The following CROCC2 variants were observed in gnomAD, a reference collection of about 807,000 sequenced individuals.
CROCC2 encodes ciliary rootlet coiled-coil protein 2.
Under a neutral mutation model 177.6 loss-of-function variants are expected in CROCC2, and 163 were observed. The ratio of observed to expected loss-of-function variants is 0.92; its 90% confidence interval spans 0.81 to 1.05. The LOEUF is 1.05. CROCC2 is among the 50% of genes least tolerant of loss of function. The probability of loss-of-function intolerance (pLI) is 0.00; values close to 1 mark genes in which losing one functional copy is unlikely to be tolerated. For synonymous variants in CROCC2, 904 were observed against 787.3 expected, an observed-to-expected ratio of 1.15 and a Z score of -2.48; for missense variants, 1,929 against 1,797.8, an observed-to-expected ratio of 1.07 and a Z score of -1.32.
intron 27 of CROCC2, among the ~76,000 whole-genome samples, chr2:240,981,190 GTCTCT>G (rs2059796490): frequency 8.1e-6 from 1 of 123,934 alleles, no homozygotes; most frequent in African/African-American, 3.1e-5. Flanking sequence ...TCCCTGCTCA[GTCTCT>G]GGGGTAGGAG....
chr2:240,991,554 G>A (rs945365180), intron 31 of CROCC2, among the ~76,000 whole-genome samples: 1 of 152,238 alleles, frequency 6.6e-6, no homozygotes, highest in Non-Finnish European at 1.5e-5. Flanking sequence ...GCTGACCGCA[G>A]AGCTCCTCCC....
chr2:240,970,003 T>C (rs1163837344), intron 27 of CROCC2, among the ~76,000 whole-genome samples: 4 of 152,348 alleles, frequency 2.6e-5, no homozygotes, highest in East Asian at 3.9e-4. Flanking sequence ...GTGCTGGGAT[T>C]ACAGGTGTGA....
At chr2:240,963,178 C>T (rs750431977) in intron 20 of CROCC2, 6 of 225,722 alleles carry the variant, frequency 2.7e-5, no homozygotes, top group South Asian at 2.5e-4. Flanking sequence ...GAGGACTAGA[C>T]GCCGGGGGCA....
At chr2:240,944,657 T>C (rs1278509946) in intron 14 of CROCC2, among the ~76,000 whole-genome samples, 1 of 152,152 alleles carries the variant, frequency 6.6e-6, no homozygotes, top group Non-Finnish European at 1.5e-5. Context: ...AGTATCCAGT[T>C]CTATTGTTAA....
chr2:240,930,279 A>T lies in CROCC2; in HGVS notation c.749+10A>T, dbSNP rs1317912714. On this transcript the variant is annotated intron_variant, in intron 6 of 31. Coordinates refer to ENST00000690015, the MANE Select transcript of CROCC2 (RefSeq NM_001351305.2). Reference sequence around the variant, plus strand: ...GTGTAGCCACTGAGAGGTGAGTGCCAGCCGCCCCACCTGGGGCCAGGCACC... The same window carrying T: ...GTGTAGCCACTGAGAGGTGAGTGCCTGCCGCCCCACCTGGGGCCAGGCACC... 2.0e-6 allele frequency: 1 copy of T among 506,742 alleles called. No individual in the cohort carries two copies. The highest frequency in any genetic ancestry group is 3.7e-5 in the Admixed American group (1 of 26,714). 31.4% of individuals were successfully genotyped at this position (506,742 alleles called of 1,614,324 possible). A position where few individuals can be genotyped will look rare whatever the true frequency, so the allele number is the denominator to read the frequency against.
At position 240,949,227 on chromosome 2, in the gene CROCC2, G is replaced by T; in HGVS notation, c.2482+130G>T. Reference sequence around the variant, plus strand: ...CCACAGGGGCATGAACATGAGCTTGGAGCTCATGCGACTGAGCGACTTGGG... The same window carrying T: ...CCACAGGGGCATGAACATGAGCTTGTAGCTCATGCGACTGAGCGACTTGGG... On this transcript the variant is annotated intron_variant, in intron 16 of 31. Transcript: ENST00000690015. This position sits in a 1 kb window ranked among gnomAD's most constrained non-coding sequence, Gnocchi z 4.5. 2.1e-6 allele frequency: 3 copies of T among 1,429,006 alleles called. No homozygotes were observed. Among genetic ancestry groups the T allele is most frequent in the Non-Finnish European group, 9.1e-7 (1 of 1,093,134 alleles). The allele number at this position is 1,429,006 out of a possible 1,614,324, so 88.5% of individuals were successfully genotyped here.
rs998644731 is a variant in CROCC2 at position 240,920,139 on chromosome 2, G to A, written c.381+5G>A. On this transcript the variant is annotated splice_donor_5th_base_variant and intron_variant, in intron 3 of 31. Coordinates refer to ENST00000690015, the MANE Select transcript of CROCC2 (RefSeq NM_001351305.2). ...TGCCGTGTGGTCAGCGAGCAGGTGC[G>A]TGTGTGCAGCAGACTCAGGGCAGGC... 4.6e-5 allele frequency: 31 copies of A among 675,550 alleles called. No homozygotes were observed. Among genetic ancestry groups the A allele is most frequent in the African/African-American group, 7.1e-5 (4 of 56,266 alleles). The allele number at this position is 675,550 out of a possible 1,614,324, so 41.8% of individuals were successfully genotyped here.
Position 240,918,606 on chromosome 2 carries a change from C to T in CROCC2, c.79-120C>T. On this transcript the variant is annotated intron_variant, in intron 1 of 31. Transcript: ENST00000690015. This position sits in a 1 kb window ranked among gnomAD's most constrained non-coding sequence, Gnocchi z 6.3. Reference sequence around the variant, plus strand: ...CCTGCCCAGCCTCACCCTGTCCTCTCCAGGGCACTCTGCTGCCTTGGGGTG... The same window carrying T: ...CCTGCCCAGCCTCACCCTGTCCTCTTCAGGGCACTCTGCTGCCTTGGGGTG... 2.1e-6 allele frequency: 1 copy of T among 476,414 alleles called. No homozygotes were observed. The highest frequency in any genetic ancestry group is 3.7e-6 in the Non-Finnish European group (1 of 271,252). The allele number at this position is 476,414 out of a possible 1,614,324, so 29.5% of individuals were successfully genotyped here. A position where few individuals can be genotyped will look rare whatever the true frequency, so the allele number is the denominator to read the frequency against.
chr2:240,909,199 AG>A (rs2059271648), intron 1 of CROCC2, among the ~76,000 whole-genome samples: 1 of 122,292 alleles, frequency 8.2e-6, no homozygotes, highest in African/African-American at 3.6e-5. Context: ...ACCTGGGGTG[AG>A]CTCTACCTCC....
rs1431359308 is a variant in CROCC2 at position 240,989,775 on chromosome 2, A to C, written c.4805A>C (p.Gln1602Pro). The change falls in exon 30 of 32, where the codon CAG (glutamine) becomes CCG (proline). Residue 1602 changes from glutamine to proline, a missense_variant. Physicochemically the swap from Gln to Pro is moderately conservative, Grantham distance 76 (BLOSUM62 -1). This residue lies in a region of CROCC2 where 388 missense variants were observed against 352.7 expected (regional missense o/e 1.10). Transcript: ENST00000690015. ...CATGGGGCCCGGCCGCAGGCCACGC[A>C]GGCCCTGGAGTCCCAAGAATGGACC... Reference protein sequence around the residue: ...RLHGARPQATQALESQEWTHQ... With the variant: ...RLHGARPQATPALESQEWTHQ... The C allele has an allele frequency of 1.9e-6, 3 of 1,549,900 alleles. No homozygotes were observed. Among genetic ancestry groups the C allele is most frequent in the Non-Finnish European group, 2.6e-6 (3 of 1,146,650 alleles).
rs1402660575 is a variant in CROCC2, at chr2:240,991,001, C to T, written c.4864-195C>T. 5.9e-5 allele frequency among the ~76,000 whole-genome samples: 9 copies of T among 152,366 alleles called. No homozygotes were observed. In the East Asian group the frequency reaches 1.7e-3, roughly 29 times the overall value. On this transcript the variant is annotated intron_variant, in intron 30 of 31. Coordinates refer to ENST00000690015, the MANE Select transcript of CROCC2 (RefSeq NM_001351305.2). ...GGATCCGTGGTGAGAGGTGGAACTG[C>T]GCATCCCTCTCTGGCAGCAAAGGAG...
At chr2:240,974,994 C>T (rs145179764) in intron 27 of CROCC2, among the ~76,000 whole-genome samples, 61 of 152,178 alleles carry the variant, frequency 4.0e-4, no homozygotes, top group African/African-American at 1.4e-3. Context: ...TGATCAGTGT[C>T]TGGGTGGATC....
intron 31 of CROCC2, 73 bp downstream of exon 31, chr2:240,991,351 G>A: frequency 7.2e-7 from 1 of 1,396,726 alleles, no homozygotes. Flanking sequence ...GGCGGCCCTG[G>A]GGAAGGTGCT....
intron 28 of CROCC2, chr2:240,985,967 C>T (rs1348653388): frequency 2.2e-6 from 1 of 456,528 alleles, no homozygotes; most frequent in Non-Finnish European, 4.4e-6. Flanking sequence ...ATCCCTCTTT[C>T]TGTTCATCCT....
At position 240,949,580 on chromosome 2, in the gene CROCC2, C is replaced by G. The variant is rs578217106; in HGVS notation, c.2530C>G (p.Leu844Val). Residue 844 changes from leucine to valine, a missense_variant, in exon 17 of 32, where the codon CTG (leucine) becomes GTG (valine). Leu to Val is a conservative substitution (Grantham distance 32). This residue lies in a region of CROCC2 where 1,397 missense variants were observed against 1,239.9 expected (regional missense o/e 1.13). Coordinates refer to ENST00000690015, the MANE Select transcript of CROCC2 (RefSeq NM_001351305.2). This position sits in a 1 kb window ranked among gnomAD's most constrained non-coding sequence, Gnocchi z 4.5. The stretch of plus-strand genomic sequence containing the variant: ...TGACTGGGAGGTCCAGGAAATGAAG[C>G]TGCGGCAGGACACGGTGCGGCTCCA... ...QSDWEVQEMK[L>V]RQDTVRLQRQ... 2 of 1,550,546 alleles carry G rather than the reference C, an allele frequency of 1.3e-6. No homozygotes were observed. Among genetic ancestry groups the G allele is most frequent in the East Asian group, 4.9e-5 (2 of 40,908 alleles).
chr2:240,936,268 C>G (rs957549978), intron 14 of CROCC2, among the ~76,000 whole-genome samples: 1 of 152,154 alleles, frequency 6.6e-6, no homozygotes, highest in Admixed American at 6.5e-5. Context: ...GCCAGGTAGC[C>G]GCCACCAGGA....
At chr2:240,955,823 C>G (rs903727851) in intron 18 of CROCC2, 36 bp from the exon 19 acceptor site, 1 of 1,480,482 alleles carries the variant, frequency 6.8e-7, no homozygotes, top group African/African-American at 1.4e-5. Flanking sequence ...CCCGAGACTC[C>G]CCAACTTTCT....
intron 15 of CROCC2, 128 bp from the exon 16 acceptor site, chr2:240,948,851 T>C (rs2106469202): frequency 1.2e-6 from 1 of 867,496 alleles, no homozygotes; most frequent in Non-Finnish European, 1.8e-6. Context: ...GCACCATAAT[T>C]TCTAAAACAT....
intron 27 of CROCC2, among the ~76,000 whole-genome samples, chr2:240,971,935 G>A (rs765461900): frequency 2.0e-5 from 3 of 151,974 alleles, no homozygotes; most frequent in African/African-American, 7.3e-5. Context: ...CGGTGGCCTC[G>A]TTCGGCCTGA....
Sources: allele counts gnomAD v4.1 joint callset (sites outside exome capture counted in the v4.1 genomes callset), GRCh38; gene constraint gnomAD v4.1.1; regional missense constraint gnomAD v4.1.1; non-coding constraint Gnocchi (gnomAD v3.1); transcripts MANE v1.5; gene names NCBI Gene and HGNC (gene_info 2026-07-23, HGNC 2026-07-21).